ADAMTSL1: variants seen among roughly 807,000 people sequenced by gnomAD.
ADAMTSL1 encodes ADAMTS-like protein 1.
ADAMTSL1 carries 126 observed loss-of-function variants against 201.8 expected under a neutral mutation model. That is an observed-to-expected ratio of 0.62 (90% CI 0.54 to 0.72). The LOEUF (loss-of-function observed/expected upper bound fraction) is 0.72. Ranked by LOEUF, ADAMTSL1 falls within the 30% of genes least tolerant of loss-of-function variation. The pLI is 0.00. For synonymous variants in ADAMTSL1, 1,121 were observed against 903.4 expected, an observed-to-expected ratio of 1.24 and a Z score of -4.32; for missense variants, 2,679 against 2,277.8, an observed-to-expected ratio of 1.18 and a Z score of -3.59.
At chr9:18,208,665 T>C (rs1829750072) in intron 2 of ADAMTSL1, among the ~76,000 whole-genome samples, 2 of 152,182 alleles carry the variant, frequency 1.3e-5, no homozygotes, top group Admixed American at 1.3e-4. Flanking sequence ...AGGGGATAAG[T>C]GATCTGACTG....
intron 3 of ADAMTSL1, among the ~76,000 whole-genome samples, chr9:18,540,803 G>A (rs1163369404): frequency 6.6e-6 from 1 of 152,112 alleles, no homozygotes; most frequent in Admixed American, 6.5e-5. Flanking sequence ...CCTCAGGTAG[G>A]AAGACTCTTA....
At chr9:18,392,182 T>G (rs1838080924) in intron 2 of ADAMTSL1, among the ~76,000 whole-genome samples, 1 of 152,194 alleles carries the variant, frequency 6.6e-6, no homozygotes, top group African/African-American at 2.4e-5. Flanking sequence ...AAATCTCAGT[T>G]TATTTGTTAC....
intron 1 of ADAMTSL1, among the ~76,000 whole-genome samples, chr9:18,050,800 C>T (rs1179620609): frequency 6.6e-6 from 1 of 152,136 alleles, no homozygotes; most frequent in Non-Finnish European, 1.5e-5. Context: ...GCTGCCTTCC[C>T]ATGGCAGAAT....
chr9:17,972,625 C>T (rs1350932121), intron 1 of ADAMTSL1, among the ~76,000 whole-genome samples: 3 of 151,874 alleles, frequency 2.0e-5, no homozygotes, highest in African/African-American at 7.3e-5. Context: ...TATATACATA[C>T]ATGTGCATGT....
At chr9:17,906,814 C>T (rs1394900828) in exon 1 of ADAMTSL1, 2 of 152,188 alleles carry the variant, frequency 1.3e-5, no homozygotes, top group Non-Finnish European at 2.9e-5. Context: ...TGAGACTCCC[C>T]TTGGTCCCCG....
intron 1 of ADAMTSL1, among the ~76,000 whole-genome samples, chr9:18,079,374 T>C (rs1823374864): frequency 6.6e-6 from 1 of 152,172 alleles, no homozygotes; most frequent in African/African-American, 2.4e-5. Flanking sequence ...TTAACTTCTT[T>C]AATTTTTTTA....
chr9:18,152,110 C>G (rs1826941590), intron 1 of ADAMTSL1, among the ~76,000 whole-genome samples: 1 of 152,102 alleles, frequency 6.6e-6, no homozygotes, highest in Non-Finnish European at 1.5e-5. Context: ...CTCATTTACA[C>G]ATGAAGGACC....
At chr9:18,082,680 G>A (rs891734281) in intron 1 of ADAMTSL1, among the ~76,000 whole-genome samples, 11 of 152,260 alleles carry the variant, frequency 7.2e-5, no homozygotes, top group East Asian at 3.9e-4. Context: ...GTCTCCTGCC[G>A]TAGGCTCAAG....
chr9:17,977,189 G>A (rs1015247231), intron 1 of ADAMTSL1, among the ~76,000 whole-genome samples: 1 of 152,060 alleles, frequency 6.6e-6, no homozygotes, highest in Non-Finnish European at 1.5e-5. Context: ...TGATCATGGT[G>A]TATGATCCTT....
At chr9:18,737,247 A>G (rs1450150087) in intron 15 of ADAMTSL1, among the ~76,000 whole-genome samples, 3 of 135,166 alleles carry the variant, frequency 2.2e-5, no homozygotes, top group African/African-American at 8.2e-5. Context: ...TGAACCCGGG[A>G]GGTGGAGGTT....
chr9:17,933,690 T>G (rs1464940717), intron 1 of ADAMTSL1, among the ~76,000 whole-genome samples: 1 of 152,082 alleles, frequency 6.6e-6, no homozygotes, highest in Non-Finnish European at 1.5e-5. Flanking sequence ...AGCGGGCTCA[T>G]CTTACATGGC....
At chr9:18,285,856 A>G (rs958399073) in intron 2 of ADAMTSL1, among the ~76,000 whole-genome samples, 13 of 152,190 alleles carry the variant, frequency 8.5e-5, no homozygotes, top group Non-Finnish European at 1.9e-4. Flanking sequence ...ATTCATGTAC[A>G]GTACAATAAA....
chr9:17,960,388 A>T (rs1386895579), intron 1 of ADAMTSL1, among the ~76,000 whole-genome samples: 1 of 152,198 alleles, frequency 6.6e-6, no homozygotes, highest in Non-Finnish European at 1.5e-5. Context: ...AGGACTTGAG[A>T]TTCTATACTG....
intron 23 of ADAMTSL1, among the ~76,000 whole-genome samples, chr9:18,830,461 T>C (rs886604573): frequency 6.6e-6 from 1 of 152,188 alleles, no homozygotes; most frequent in Non-Finnish European, 1.5e-5. Flanking sequence ...TCTGTAGATA[T>C]AGCCTAAAGC....
chr9:18,779,922 G>A (rs1389833139), intron 19 of ADAMTSL1, among the ~76,000 whole-genome samples: 2 of 152,130 alleles, frequency 1.3e-5, no homozygotes, highest in Non-Finnish European at 2.9e-5. Flanking sequence ...TGGTACTATT[G>A]GGATTGAAGG....
At chr9:18,874,130 A>G (rs1828007850) in intron 23 of ADAMTSL1, among the ~76,000 whole-genome samples, 1 of 152,138 alleles carries the variant, frequency 6.6e-6, no homozygotes, top group Admixed American at 6.6e-5. Flanking sequence ...ACTGATTTGT[A>G]TACATTAATT....
intron 2 of ADAMTSL1, among the ~76,000 whole-genome samples, chr9:18,316,530 A>G (rs1834401354): frequency 6.6e-6 from 1 of 152,096 alleles, no homozygotes; most frequent in Admixed American, 6.5e-5. Context: ...TTTGCTTTTG[A>G]AAGAAGAGAA....
At chr9:18,752,945 A>G (rs1012722492) in intron 15 of ADAMTSL1, among the ~76,000 whole-genome samples, 9 of 152,214 alleles carry the variant, frequency 5.9e-5, no homozygotes, top group Non-Finnish European at 8.8e-5. Context: ...ACAATTCAGT[A>G]TGTGGTGCCC....
intron 1 of ADAMTSL1, among the ~76,000 whole-genome samples, chr9:18,011,319 T>C (rs886459071): frequency 4.6e-5 from 7 of 152,030 alleles, no homozygotes; most frequent in African/African-American, 1.7e-4. Flanking sequence ...CCTAAGGATT[T>C]TACCAGAAAA....
Sources: allele counts gnomAD v4.1 joint callset (sites outside exome capture counted in the v4.1 genomes callset), GRCh38; gene constraint gnomAD v4.1.1; transcripts MANE v1.5; gene names NCBI Gene and HGNC (gene_info 2026-07-23, HGNC 2026-07-21).